FN3K: variants seen among roughly 807,000 people sequenced by gnomAD.
FN3K encodes fructosamine 3 kinase.
A neutral mutation model predicts 24.8 loss-of-function variants in FN3K; 24 were observed. The observed-to-expected ratio is 0.97, with a 90% confidence interval of 0.70 to 1.36. The LOEUF (loss-of-function observed/expected upper bound fraction) is 1.36, where lower values mean the gene tolerates loss of function less well. Among genes scored for constraint, FN3K ranks in the 40% most tolerant of loss-of-function variants. The probability of loss-of-function intolerance (pLI) is 0.00; values close to 1 mark genes in which losing one functional copy is unlikely to be tolerated. For synonymous variants in FN3K, 192 were observed against 175.2 expected, an observed-to-expected ratio of 1.10 and a Z score of -0.76; for missense variants, 449 against 416.7, an observed-to-expected ratio of 1.08 and a Z score of -0.67.
chr17:82,737,055 T>C (rs2046906532), intron 1 of FN3K, among the ~76,000 whole-genome samples: 1 of 152,076 alleles, frequency 6.6e-6, no homozygotes, highest in Admixed American at 6.5e-5. Flanking sequence ...GGGCTCGCCC[T>C]GGAGCAGGGC....
chr17:82,743,134 C>T (rs142629227), intron 4 of FN3K, among the ~76,000 whole-genome samples: 35 of 152,282 alleles, frequency 2.3e-4, no homozygotes, highest in Admixed American at 1.3e-3. Context: ...CAGGTGAGCA[C>T]GGCTGGGTGC....
chr17:82,738,677 C>T (rs993209009), intron 2 of FN3K, 37 bp downstream of exon 2: 20 of 1,610,434 alleles, frequency 1.2e-5, no homozygotes, highest in Non-Finnish European at 1.5e-5. Context: ...CACATGTGTA[C>T]AGGCAGAGAG....
At chr17:82,742,823 AAAT>A in intron 4 of FN3K, 1 of 434,476 alleles carries the variant, frequency 2.3e-6, no homozygotes, top group Non-Finnish European at 4.6e-6. Flanking sequence ...GAATACTTTC[AAAT>A]CTGTCTCCTT....
At position 82,735,622 on chromosome 17, in the gene FN3K, C is replaced by G. The variant is rs761156906; in HGVS notation, c.-15C>G. Reference sequence around the variant, plus strand: ...AGGGGCTTCCGAGCGAGCAGAGTCCCGCGCCCCGCACTCCATGGAGCAGCT... The same window carrying G: ...AGGGGCTTCCGAGCGAGCAGAGTCCGGCGCCCCGCACTCCATGGAGCAGCT... On this transcript the variant is annotated 5_prime_UTR_variant, in exon 1 of 6. Transcript: ENST00000300784. 2.0e-6 allele frequency: 3 copies of G among 1,514,402 alleles called. No homozygotes were observed. The highest frequency in any genetic ancestry group is 1.4e-5 in the African/African-American group (1 of 69,258). 93.8% of individuals were successfully genotyped at this position (1,514,402 alleles called of 1,614,324 possible).
intron 4 of FN3K, among the ~76,000 whole-genome samples, chr17:82,746,567 G>A (rs1427437052): frequency 2.6e-5 from 4 of 152,196 alleles, no homozygotes; most frequent in Non-Finnish European, 2.9e-5. Context: ...TTCGGAGGCC[G>A]AGGTGGGCAG....
Position 82,750,809 on chromosome 17 carries a change from C to G in FN3K, c.*54C>G. The G allele has an allele frequency of 4.7e-6, 7 of 1,478,982 alleles. No homozygotes were observed. The highest frequency in any genetic ancestry group is 6.4e-6 in the Non-Finnish European group (7 of 1,089,300). 91.6% of individuals were successfully genotyped at this position (1,478,982 alleles called of 1,614,324 possible). A position where few individuals can be genotyped will look rare whatever the true frequency, so the allele number is the denominator to read the frequency against. On this transcript the variant is annotated 3_prime_UTR_variant, in exon 6 of 6. Coordinates refer to ENST00000300784, the MANE Select transcript of FN3K (RefSeq NM_022158.4). ...CGTCCCCGTCTCCGTCTCCCCGTCC[C>G]TGTCCCCCCGTCCCCCGTCCCTGTG...
In FN3K at chr17:82,738,946, AT is replaced by A. The variant is rs539276396; in HGVS notation, c.293+320del. ...TACACATATATATATATATATATATATTTTTTTTTTTTTTGAAACACAGTCT... is the reference window on the plus strand; with the variant it reads ...TACACATATATATATATATATATATATTTTTTTTTTTTTGAAACACAGTCT... On this transcript the variant is annotated intron_variant, in intron 2 of 5. Coordinates refer to ENST00000300784, the MANE Select transcript of FN3K (RefSeq NM_022158.4). 4.2e-3 allele frequency among the ~76,000 whole-genome samples: 361 copies of A among 86,114 alleles called. 5 individuals carry two copies. The highest frequency in any genetic ancestry group is 7.1e-3 in the African/African-American group (138 of 19,414). The allele number at this position is 86,114 out of a possible 152,430, so 56.5% of individuals were successfully genotyped here. A position where few individuals can be genotyped will look rare whatever the true frequency, so the allele number is the denominator to read the frequency against.
intron 5 of FN3K, 105 bp from the exon 6 acceptor site, chr17:82,750,312 G>A (rs531978883): frequency 5.0e-6 from 5 of 1,001,662 alleles, no homozygotes; most frequent in Non-Finnish European, 7.8e-6. Flanking sequence ...GCTGGGGCTG[G>A]ACACCGAAGC....
chr17:82,750,327 CGCGAGTGGGCTTT>C, intron 5 of FN3K, 77 bp from the exon 6 acceptor site: 1 of 1,164,604 alleles, frequency 8.6e-7, no homozygotes, highest in Non-Finnish European at 1.3e-6. Context: ...CGAAGCAGAT[CGCGAGTGGGCTTT>C]GCCTTATTTC....
Position 82,750,921 on chromosome 17 carries a change from T to TC in FN3K, c.*170dup. The stretch of plus-strand genomic sequence containing the variant: ...CCATCCTCCTGTCCCCGTCCCCCCG[T>TC]CCCCGTCCCTCCATCCCTGTCCCCC... On this transcript the variant is annotated 3_prime_UTR_variant, in exon 6 of 6. Transcript: ENST00000300784. 1 of 348,266 alleles carries TC rather than the reference T, an allele frequency of 2.9e-6. No homozygotes were observed. The highest frequency in any genetic ancestry group is 5.1e-6 in the Non-Finnish European group (1 of 196,010). The allele number at this position is 348,266 out of a possible 1,614,324, so 21.6% of individuals were successfully genotyped here.
At chr17:82,736,091 G>T (rs1249203264) in intron 1 of FN3K, 3 of 316,476 alleles carry the variant, frequency 9.5e-6, no homozygotes, top group African/African-American at 2.2e-5. Flanking sequence ...GCCCCTCTCA[G>T]CCCACCGTCC....
At chr17:82,749,115 AG>A in intron 5 of FN3K, 138 bp downstream of exon 5, 1 of 1,130,754 alleles carries the variant, frequency 8.8e-7, no homozygotes. Flanking sequence ...GAAGGGGGGC[AG>A]GGGCGGGGGT....
intron 1 of FN3K, chr17:82,737,815 A>G (rs1204579866): frequency 6.6e-6 from 1 of 152,334 alleles, no homozygotes; most frequent in Non-Finnish European, 1.5e-5. Context: ...CAAAACAAAC[A>G]TGCAATTCTA....
chr17:82,737,417 G>A (rs373696019), intron 1 of FN3K, among the ~76,000 whole-genome samples: 2 of 151,578 alleles, frequency 1.3e-5, no homozygotes, highest in Non-Finnish European at 2.9e-5. Flanking sequence ...TGCGCCTCCC[G>A]GTTCACTCCA....
intron 2 of FN3K, among the ~76,000 whole-genome samples, chr17:82,739,163 G>C (rs2046925985): frequency 1.3e-5 from 2 of 151,632 alleles, no homozygotes; most frequent in African/African-American, 4.9e-5. Context: ...GGCTGAGTTG[G>C]TCTCAAACTT....
Position 82,750,961 on chromosome 17 carries a change from C to T in FN3K, c.*206C>T. The T allele has an allele frequency of 1.3e-5, 3 of 239,490 alleles. No individual in the cohort carries two copies. Among genetic ancestry groups the T allele is most frequent in the South Asian group, 7.4e-5 (3 of 40,684 alleles). 14.8% of individuals were successfully genotyped at this position (239,490 alleles called of 1,614,324 possible). ...CCCTGTCCCCCGTCCCCCTGTCCCCCTGTCCACATACCAATCCCCCTGTCC... is the reference window on the plus strand; with the variant it reads ...CCCTGTCCCCCGTCCCCCTGTCCCCTTGTCCACATACCAATCCCCCTGTCC... On this transcript the variant is annotated 3_prime_UTR_variant, in exon 6 of 6. Transcript: ENST00000300784.
At position 82,750,602 on chromosome 17, in the gene FN3K, C is replaced by T. The variant is rs2047007892; in HGVS notation, c.777C>T (p.Phe259=). The change falls in exon 6 of 6, where the codon TTC becomes TTT. Residue 259 remains phenylalanine, a synonymous_variant. Transcript: ENST00000300784. ...TGTTTGGGGGGTTCCCCAGATCCTTCTTCACCGCCTACCACCGGAAGATCC... is the reference window on the plus strand; with the variant it reads ...TGTTTGGGGGGTTCCCCAGATCCTTTTTCACCGCCTACCACCGGAAGATCC... ...ALMFGGFPRS[F]FTAYHRKIPK... 6.2e-7 allele frequency: 1 copy of T among 1,614,016 alleles called. No individual in the cohort carries two copies. Among genetic ancestry groups the T allele is most frequent in the African/African-American group, 1.3e-5 (1 of 74,912 alleles).
rs1380899759 is a variant in FN3K, at chr17:82,738,625, TGAA to T, written c.281_283del (p.Lys94del). ...GCCTTTGTGATGGAGCATTTGAAGA[TGAA>T]GAGCTTGAGCAGGTGAGTGTGTGTG... is the stretch of plus-strand genomic sequence containing the variant. On this transcript the variant is annotated inframe_deletion, in exon 2 of 6. Transcript: ENST00000300784. The T allele has an allele frequency of 2.5e-6, 4 of 1,613,950 alleles. No individual in the cohort carries two copies. Among genetic ancestry groups the T allele is most frequent in the Non-Finnish European group, 3.4e-6 (4 of 1,179,974 alleles).
intron 2 of FN3K, among the ~76,000 whole-genome samples, chr17:82,739,200 G>A (rs1197188773): frequency 6.6e-6 from 1 of 151,650 alleles, no homozygotes; most frequent in Non-Finnish European, 1.5e-5. Flanking sequence ...CACCCACCTC[G>A]GCTTCCCAAA....
Sources: allele counts gnomAD v4.1 joint callset (sites outside exome capture counted in the v4.1 genomes callset), GRCh38; gene constraint gnomAD v4.1.1; transcripts MANE v1.5; gene names NCBI Gene and HGNC (gene_info 2026-07-23, HGNC 2026-07-21).